ADAM2: variants seen among roughly 807,000 people sequenced by gnomAD.
ADAM2 encodes disintegrin and metalloproteinase domain-containing protein 2.
In ADAM2, 101 loss-of-function variants were observed where a neutral mutation model predicts 99.3. That is an observed-to-expected ratio of 1.02 (90% confidence interval 0.87 to 1.20). The LOEUF is 1.20. ADAM2 is among the 50% of genes most tolerant of loss of function. The pLI is 0.00. For synonymous variants in ADAM2, 323 were observed against 287.6 expected, an observed-to-expected ratio of 1.12 and a Z score of -1.25; for missense variants, 948 against 878.7, an observed-to-expected ratio of 1.08 and a Z score of -1.00.
chr8:39,746,668 A>T, intron 18 of ADAM2, 37 bp from the exon 19 acceptor site: 1 of 1,499,762 alleles, frequency 6.7e-7, no homozygotes, highest in Non-Finnish European at 9.0e-7. Flanking sequence ...GAAAGCAAGC[A>T]CCAGAAATAT....
intron 7 of ADAM2, among the ~76,000 whole-genome samples, chr8:39,808,655 C>T (rs188105267): frequency 1.4e-4 from 22 of 152,260 alleles, no homozygotes; most frequent in South Asian, 8.3e-4. Context: ...CAGTGGCTCA[C>T]GCATGTGGTC....
intron 12 of ADAM2, 55 bp from the exon 13 acceptor site, chr8:39,767,306 CA>C: frequency 7.2e-7 from 1 of 1,394,232 alleles, no homozygotes; most frequent in Middle Eastern, 1.8e-4. Context: ...TCATATTGGA[CA>C]GGCATGTTCA....
In ADAM2 at chr8:39,767,227, ATGTT is replaced by A. The variant is rs775032003; in HGVS notation, c.1233_1236del (p.Glu411AspfsTer68). On this transcript the variant is annotated frameshift_variant, in exon 13 of 21. Transcript: ENST00000265708. LOFTEE classifies it high-confidence loss of function. Reference sequence around the variant, plus strand: ...AATCTACATGTGGCAATATCACAGCATGTTTCTCCAATAAGGGCACAATCCTGTA... The same window carrying A: ...AATCTACATGTGGCAATATCACAGCATCTCCAATAAGGGCACAATCCTGTA... 7 of 1,606,806 alleles carry A rather than the reference ATGTT, an allele frequency of 4.4e-6. No individual in the cohort carries two copies. In the African/African-American group the frequency reaches 6.7e-5, roughly 15 times the overall value.
chr8:39,824,787 G>A (rs1563382347), intron 4 of ADAM2, 32 bp downstream of exon 4: 2 of 1,192,114 alleles, frequency 1.7e-6, no homozygotes, highest in Non-Finnish European at 2.5e-6. Flanking sequence ...ACACTCACAT[G>A]ACAAAAATAA....
At chr8:39,817,398 G>A (rs1267908809) in intron 6 of ADAM2, among the ~76,000 whole-genome samples, 1 of 152,092 alleles carries the variant, frequency 6.6e-6, no homozygotes, top group East Asian at 1.9e-4. Flanking sequence ...CTAGATAGAA[G>A]GAGTAAGTTC....
chr8:39,752,256 C>A (rs1563334512), intron 16 of ADAM2, among the ~76,000 whole-genome samples: 1 of 152,022 alleles, frequency 6.6e-6, no homozygotes. Context: ...ATCAAACTTT[C>A]AATAAATAGT....
intron 10 of ADAM2, among the ~76,000 whole-genome samples, chr8:39,779,019 C>A (rs1473797043): frequency 6.7e-6 from 1 of 149,394 alleles, no homozygotes; most frequent in South Asian, 2.1e-4. Flanking sequence ...TTTTTTTTTT[C>A]CTTCATGTTC....
At chr8:39,820,136 A>G (rs1805116040) in intron 6 of ADAM2, among the ~76,000 whole-genome samples, 1 of 152,170 alleles carries the variant, frequency 6.6e-6, no homozygotes, top group South Asian at 2.1e-4. Context: ...GATACTTTTG[A>G]ACATTTTTGT....
At chr8:39,830,873 G>A (rs1805588119) in intron 3 of ADAM2, among the ~76,000 whole-genome samples, 1 of 152,148 alleles carries the variant, frequency 6.6e-6, no homozygotes, top group Admixed American at 6.6e-5. Context: ...GTTTTAGGAG[G>A]TGATACTTTA....
At chr8:39,754,682 T>C (rs769529048) in intron 16 of ADAM2, among the ~76,000 whole-genome samples, 147 of 152,350 alleles carry the variant, frequency 9.6e-4, no homozygotes, top group Non-Finnish European at 1.0e-3. Context: ...AAAGTTAGCA[T>C]AGTTTTCCTT....
intron 16 of ADAM2, among the ~76,000 whole-genome samples, chr8:39,753,831 T>TCACACA (rs902089365): frequency 1.8e-5 from 2 of 108,966 alleles, no homozygotes; most frequent in Admixed American, 9.4e-5. Context: ...ACACACACAC[T>TCACACA]CACACACACA....
chr8:39,824,172 A>G (rs1165577710), intron 4 of ADAM2, among the ~76,000 whole-genome samples: 3 of 151,562 alleles, frequency 2.0e-5, no homozygotes, highest in Non-Finnish European at 4.4e-5. Flanking sequence ...AATCCCAGCT[A>G]CTTGGGAGGC....
chr8:39,816,416 T>A (rs1361377993), intron 6 of ADAM2, among the ~76,000 whole-genome samples: 1 of 152,170 alleles, frequency 6.6e-6, no homozygotes, highest in Non-Finnish European at 1.5e-5. Context: ...ACTCAAAAGG[T>A]GAAACACAGA....
rs374432502 is a variant in ADAM2, at chr8:39,749,651, T to C, written c.1875+16A>G. ...CTCAATGATTTCTATTTTCACCTCATAGTACTGCTACTTACACCTCTATCA... is the reference window on the plus strand; with the variant it reads ...CTCAATGATTTCTATTTTCACCTCACAGTACTGCTACTTACACCTCTATCA... On this transcript the variant is annotated intron_variant, in intron 17 of 20. Transcript: ENST00000265708. 26 of 1,601,330 alleles carry C rather than the reference T, an allele frequency of 1.6e-5. No individual in the cohort carries two copies. Among genetic ancestry groups the C allele is most frequent in the South Asian group, 7.8e-5 (7 of 89,838 alleles).
rs1337812352 is a variant in ADAM2, at chr8:39,824,827, C to T, written c.259G>A (p.Asp87Asn). ...GTGIMKPLDQ[D>N]FQNFCHYQGY... Reference sequence around the variant, plus strand: ...GATCATAAAAAACATACCTGAAAATCTTGGTCAAGTGGTTTCATAATTCCT... The same window carrying T: ...GATCATAAAAAACATACCTGAAAATTTTGGTCAAGTGGTTTCATAATTCCT... The change falls in exon 4 of 21, where the codon GAT (aspartate) becomes AAT (asparagine). Residue 87 changes from aspartate (D) to asparagine (N), a missense_variant. Coordinates refer to ENST00000265708, the MANE Select transcript of ADAM2 (RefSeq NM_001464.5). 6.4e-7 allele frequency: 1 copy of T among 1,552,222 alleles called. No homozygotes were observed. The highest frequency in any genetic ancestry group is 8.8e-7 in the Non-Finnish European group (1 of 1,131,198).
rs899635490 is a variant in ADAM2 at position 39,820,119 on chromosome 8, T to C, written c.513+883A>G. Among the ~76,000 whole-genome samples, 8 of 152,286 alleles carry C rather than the reference T, an allele frequency of 5.3e-5. No individual in the cohort carries two copies. The East Asian group carries it at 1.2e-3, about 22-fold the overall frequency. On this transcript the variant is annotated intron_variant, in intron 6 of 20. Coordinates refer to ENST00000265708, the MANE Select transcript of ADAM2 (RefSeq NM_001464.5). The stretch of plus-strand genomic sequence containing the variant: ...ATGAAGGCAAGGGTCTTGGTGACCA[T>C]GTATATGATACTTTTGAACATTTTT...
chr8:39,803,614 G>A (rs574410305), intron 7 of ADAM2, among the ~76,000 whole-genome samples: 16 of 152,120 alleles, frequency 1.1e-4, no homozygotes, highest in East Asian at 3.8e-4. Flanking sequence ...ATGATGCCTC[G>A]TTCATTAATT....
chr8:39,779,729 C>T (rs1207418323), intron 10 of ADAM2, among the ~76,000 whole-genome samples: 1 of 152,110 alleles, frequency 6.6e-6, no homozygotes, highest in Non-Finnish European at 1.5e-5. Flanking sequence ...ATTTATTAGG[C>T]TTCTTATATG....
intron 3 of ADAM2, among the ~76,000 whole-genome samples, chr8:39,829,029 AAGAT>A (rs1192972786): frequency 2.0e-5 from 3 of 152,064 alleles, no homozygotes; most frequent in East Asian, 3.9e-4. Context: ...CATGTACAGA[AAGAT>A]AGAAGATTCA....
Sources: allele counts gnomAD v4.1 joint callset (sites outside exome capture counted in the v4.1 genomes callset), GRCh38; gene constraint gnomAD v4.1.1; transcripts MANE v1.5; gene names NCBI Gene and HGNC (gene_info 2026-07-23, HGNC 2026-07-21).